Variants in LRP1B observed in about 807,000 individuals in gnomAD.
LRP1B encodes the protein LDL receptor related protein 1B, also known as low-density lipoprotein receptor-related protein 1B.
In LRP1B, 217 loss-of-function variants were observed where a neutral mutation model predicts 556.6. The ratio of observed to expected loss-of-function variants is 0.39; its 90% CI spans 0.35 to 0.44. LRP1B has a LOEUF of 0.44. Among genes scored for constraint, LRP1B ranks in the 20% least tolerant of loss-of-function variants. The probability of loss-of-function intolerance (pLI) is 1.00; values close to 1 mark genes in which losing one functional copy is unlikely to be tolerated. For missense variants in LRP1B, 5,053 were observed against 5,620.8 expected, an observed-to-expected ratio of 0.90 and a Z score of 3.23; for synonymous variants, 2,047 against 1,865.8, an observed-to-expected ratio of 1.10 and a Z score of -2.50.
At chr2:140,839,544 GC>G (rs1385080679) in intron 31 of LRP1B, among the ~76,000 whole-genome samples, 13 of 152,304 alleles carry the variant, frequency 8.5e-5, no homozygotes, top group African/African-American at 3.1e-4. Context: ...GATACTTCCT[GC>G]CCTCAAACGT....
intron 90 of LRP1B, among the ~76,000 whole-genome samples, chr2:140,233,933 CAT>C (rs1240897749): frequency 6.6e-6 from 1 of 151,266 alleles, no homozygotes; most frequent in Admixed American, 6.6e-5. Context: ...GTTTCACAAA[CAT>C]AGCATTTTGA....
At chr2:140,960,622 G>C (rs532152577) in intron 18 of LRP1B, among the ~76,000 whole-genome samples, 1 of 151,880 alleles carries the variant, frequency 6.6e-6, no homozygotes, top group South Asian at 2.1e-4. Context: ...TTAAATGCAA[G>C]TGTAAGGCAG....
rs115267271 is a variant in LRP1B, at chr2:141,023,649, A to C, written c.1790-3547T>G. ...ACTTAAAATATAATTGCCTCTTTTT[A>C]AAATGGGTCCATGATTTTTAAAAGA... On this transcript the variant is annotated intron_variant, in intron 11 of 90. Transcript: ENST00000389484. Among the ~76,000 whole-genome samples the C allele has an allele frequency of 4.3e-3, 648 of 152,150 alleles. 6 individuals are homozygous for C. The highest frequency in any genetic ancestry group is 0.015 in the African/African-American group (621 of 41,568).
At position 141,533,413 on chromosome 2, in the gene LRP1B, A is replaced by C. The variant is rs563434417; in HGVS notation, c.206-52880T>G. ...ATATTCCAACTGCTCACATCTTTTCATGAGAACTAAATGTGGAAAGGAAGC... is the reference window on the plus strand; with the variant it reads ...ATATTCCAACTGCTCACATCTTTTCCTGAGAACTAAATGTGGAAAGGAAGC... On this transcript the variant is annotated intron_variant, in intron 2 of 90. Coordinates refer to ENST00000389484, the MANE Select transcript of LRP1B (RefSeq NM_018557.3). 3.9e-5 allele frequency among the ~76,000 whole-genome samples: 6 copies of C among 152,262 alleles called. No homozygotes were observed. In the East Asian group the frequency reaches 1.2e-3, roughly 29 times the overall value.
chr2:141,200,383 C>A (rs1412251682), intron 6 of LRP1B, among the ~76,000 whole-genome samples: 3 of 152,006 alleles, frequency 2.0e-5, no homozygotes, highest in Non-Finnish European at 2.9e-5. Context: ...CTGAGGCCTG[C>A]CGGGGGTGGG....
intron 2 of LRP1B, among the ~76,000 whole-genome samples, chr2:141,593,884 G>A (rs113434961): frequency 0.013 from 2,001 of 152,214 alleles, 50 homozygotes; most frequent in African/African-American, 0.046. Flanking sequence ...TCCAAAGCCT[G>A]TCATCAGCTG....
intron 15 of LRP1B, 60 bp downstream of exon 15, chr2:141,005,275 T>C: frequency 6.4e-7 from 1 of 1,556,858 alleles, no homozygotes; most frequent in Non-Finnish European, 8.7e-7. Flanking sequence ...TAGTTTCTTC[T>C]GCTTCTAGTC....
At chr2:140,838,115 G>A (rs551680635) in intron 31 of LRP1B, among the ~76,000 whole-genome samples, 6 of 151,880 alleles carry the variant, frequency 4.0e-5, no homozygotes, top group Non-Finnish European at 8.8e-5. Context: ...GAAAAGATAA[G>A]GTTTTCACCA....
intron 43 of LRP1B, among the ~76,000 whole-genome samples, chr2:140,569,888 A>G (rs1681259926): frequency 6.6e-6 from 1 of 151,876 alleles, no homozygotes; most frequent in South Asian, 2.1e-4. Flanking sequence ...TTAAAAGAGA[A>G]ACTCTTGAAA....
intron 1 of LRP1B, among the ~76,000 whole-genome samples, chr2:141,896,763 G>A (rs1699464805): frequency 1.3e-5 from 2 of 152,072 alleles, no homozygotes; most frequent in African/African-American, 4.8e-5. Flanking sequence ...AGCTCAAAAT[G>A]TCTAGATCAG....
intron 2 of LRP1B, among the ~76,000 whole-genome samples, chr2:141,799,250 C>T (rs1695924629): frequency 6.6e-6 from 1 of 152,096 alleles, no homozygotes; most frequent in Non-Finnish European, 1.5e-5. Context: ...AATGTGATAT[C>T]ATTCTTAAGA....
chr2:142,029,669 A>T (rs1264654671), intron 1 of LRP1B, among the ~76,000 whole-genome samples: 1 of 151,840 alleles, frequency 6.6e-6, no homozygotes, highest in Non-Finnish European at 1.5e-5. Context: ...TCTCATTTTT[A>T]AAACTCTCAT....
At chr2:141,645,296 C>T (rs893525468) in intron 2 of LRP1B, among the ~76,000 whole-genome samples, 1 of 151,890 alleles carries the variant, frequency 6.6e-6, no homozygotes, top group Non-Finnish European at 1.5e-5. Context: ...CTTCAAAGTC[C>T]CCCAAACTTT....
intron 31 of LRP1B, among the ~76,000 whole-genome samples, chr2:140,825,071 A>G (rs115048032): frequency 0.012 from 1,897 of 152,222 alleles, 19 homozygotes; most frequent in Middle Eastern, 0.024. Context: ...TTTAAATGAT[A>G]ACAGAGCTAA....
intron 3 of LRP1B, among the ~76,000 whole-genome samples, chr2:141,470,567 C>T (rs1390915006): frequency 6.6e-6 from 1 of 152,074 alleles, no homozygotes; most frequent in Non-Finnish European, 1.5e-5. Flanking sequence ...ATGTTAAGGC[C>T]CAGTAGTCAA....
chr2:141,183,532 T>C (rs977685068), intron 7 of LRP1B, among the ~76,000 whole-genome samples: 4 of 152,082 alleles, frequency 2.6e-5, no homozygotes, highest in African/African-American at 9.6e-5. Flanking sequence ...TCCTGTCTCC[T>C]GGCAGATGGC....
At position 140,573,983 on chromosome 2, in the gene LRP1B, GA is replaced by G. The variant is rs1192326177; in HGVS notation, c.7194+24647del. Reference sequence around the variant, plus strand: ...CCTATAAATAAGATCTTTTACAATAGAAAAAAAGAAAGATTTGAGGATAACG... The same window carrying G: ...CCTATAAATAAGATCTTTTACAATAGAAAAAAGAAAGATTTGAGGATAACG... On this transcript the variant is annotated intron_variant, in intron 43 of 90. Transcript: ENST00000389484. Among the ~76,000 whole-genome samples the G allele has an allele frequency of 4.0e-5, 6 of 151,832 alleles. No individual in the cohort carries two copies. The South Asian group carries it at 1.2e-3, about 32-fold the overall frequency.
At chr2:140,873,747 A>G (rs1693212934) in intron 25 of LRP1B, among the ~76,000 whole-genome samples, 1 of 151,894 alleles carries the variant, frequency 6.6e-6, no homozygotes, top group Non-Finnish European at 1.5e-5. Context: ...TAAATAATAT[A>G]TATTTCATTA....
intron 41 of LRP1B, among the ~76,000 whole-genome samples, chr2:140,637,483 T>C (rs1271016057): frequency 6.6e-6 from 1 of 152,242 alleles, no homozygotes; most frequent in Non-Finnish European, 1.5e-5. Context: ...TTTTCATACA[T>C]TAGAAGGTGA....
Sources: allele counts gnomAD v4.1 joint callset (sites outside exome capture counted in the v4.1 genomes callset), GRCh38; gene constraint gnomAD v4.1.1; transcripts MANE v1.5; gene names NCBI Gene and HGNC (gene_info 2026-07-23, HGNC 2026-07-21).